Variants in FBXL13 observed in about 807,000 individuals in gnomAD.
FBXL13 encodes F-box and leucine rich repeat protein 13, also known as F-box and leucine-rich repeat protein 13.
In FBXL13, 67 loss-of-function variants were observed where a neutral mutation model predicts 83.6. That is an observed-to-expected ratio of 0.80 (90% CI 0.66 to 0.98). FBXL13 has a LOEUF of 0.98. Ranked by LOEUF, FBXL13 falls within the 50% of genes least tolerant of loss-of-function variation. The pLI is 0.00. For missense variants in FBXL13, 822 were observed against 866.5 expected (o/e 0.95, Z 0.64); for synonymous variants, 272 against 299.5 (o/e 0.91, Z 0.95).
intron 16 of FBXL13, among the ~76,000 whole-genome samples, chr7:102,874,065 G>C (rs1341446567): frequency 6.6e-6 from 1 of 152,204 alleles, no homozygotes; most frequent in Non-Finnish European, 1.5e-5. Context: ...TAAATGTGTA[G>C]TGTGATTCTA....
At chr7:102,884,135 A>AT (rs1810474054) in intron 12 of FBXL13, 79 bp downstream of exon 13, 1 of 1,031,624 alleles carries the variant, frequency 9.7e-7, no homozygotes, top group Non-Finnish European at 1.5e-6. Flanking sequence ...GTCCATTCAT[A>AT]TTTTTCAGTA....
At chr7:102,877,877 T>C (rs1009544742) in intron 15 of FBXL13, among the ~76,000 whole-genome samples, 4 of 152,164 alleles carry the variant, frequency 2.6e-5, no homozygotes, top group Non-Finnish European at 5.9e-5. Flanking sequence ...GTAAGTACCA[T>C]AGTGAATGAC....
intron 11 of FBXL13, among the ~76,000 whole-genome samples, chr7:102,908,766 T>A (rs1490886249): frequency 6.6e-6 from 1 of 152,216 alleles, no homozygotes; most frequent in Non-Finnish European, 1.5e-5. Context: ...GTCTCTCTGT[T>A]CTGAACCACC....
downstream of FBXL13, among the ~76,000 whole-genome samples, chr7:102,812,487 A>G (rs1201417000): frequency 6.6e-6 from 1 of 152,218 alleles, no homozygotes; most frequent in African/African-American, 2.4e-5. Context: ...AAATGTTGAG[A>G]TAAGTACAGA....
intron 6 of FBXL13, chr7:102,973,791 G>T (rs754910169): frequency 4.0e-6 from 3 of 749,202 alleles, no homozygotes; most frequent in South Asian, 1.4e-5. Context: ...CCGGGAGCCC[G>T]GTTAACAAGG....
At chr7:102,934,141 G>C (rs367824936) in intron 8 of FBXL13, 51 of 1,614,036 alleles carry the variant, frequency 3.2e-5, no homozygotes, top group Middle Eastern at 3.3e-4. Flanking sequence ...TTTATGTGCT[G>C]CCTGGTTGGC....
At chr7:103,053,765 T>C (rs1797066202) in intron 2 of FBXL13, among the ~76,000 whole-genome samples, 1 of 152,170 alleles carries the variant, frequency 6.6e-6, no homozygotes, top group African/African-American at 2.4e-5. Context: ...TTTGCAGATA[T>C]CTGCACTCCA....
chr7:102,973,298 A>G (rs943099510), intron 6 of FBXL13: 4 of 515,326 alleles, frequency 7.8e-6, no homozygotes, highest in African/African-American at 5.8e-5. Context: ...GGCCACTTGT[A>G]CCAGCAGCGT....
intron 16 of FBXL13, among the ~76,000 whole-genome samples, chr7:102,868,806 C>T (rs1194078052): frequency 1.3e-5 from 2 of 152,118 alleles, no homozygotes; most frequent in Non-Finnish European, 2.9e-5. Flanking sequence ...TAGCTGGGAT[C>T]ACAGGTGTGC....
intron 6 of FBXL13, among the ~76,000 whole-genome samples, chr7:102,999,205 G>A (rs2177550): frequency 0.97 from 148,025 of 152,258 alleles, 72,111 homozygotes; most frequent in East Asian, 1. Flanking sequence ...TGATTTTGTT[G>A]ATGAGATGTA....
downstream of FBXL13, among the ~76,000 whole-genome samples, chr7:102,812,896 G>T (rs1797520695): frequency 7.2e-6 from 1 of 139,834 alleles, no homozygotes; most frequent in Non-Finnish European, 1.5e-5. Context: ...AGGCTGGAAT[G>T]CAGTGACGTG....
chr7:102,898,572 T>C (rs1381983330), intron 11 of FBXL13, among the ~76,000 whole-genome samples: 1 of 152,152 alleles, frequency 6.6e-6, no homozygotes, highest in Non-Finnish European at 1.5e-5. Context: ...ATTACAAGCA[T>C]GAGCCACCGT....
intron 8 of FBXL13, among the ~76,000 whole-genome samples, chr7:102,959,717 T>A (rs56938507): frequency 0.036 from 5,462 of 152,086 alleles, 309 homozygotes; most frequent in African/African-American, 0.13. Context: ...TCAAAGGATA[T>A]ATAGGTTAAA....
chr7:102,816,497 TG>T (rs1798018622), intron 19 of FBXL13, among the ~76,000 whole-genome samples: 1 of 152,184 alleles, frequency 6.6e-6, no homozygotes, highest in African/African-American at 2.4e-5. Context: ...TCACACGGAC[TG>T]ACTAACCTAA....
At chr7:102,815,621 A>C (rs1313025199) in intron 19 of FBXL13, among the ~76,000 whole-genome samples, 1 of 151,320 alleles carries the variant, frequency 6.6e-6, no homozygotes, top group Non-Finnish European at 1.5e-5. Flanking sequence ...GCACAGTTAG[A>C]GGCAACAATG....
intron 16 of FBXL13, among the ~76,000 whole-genome samples, chr7:102,874,699 TG>T (rs1808983669): frequency 6.6e-6 from 1 of 152,162 alleles, no homozygotes; most frequent in Non-Finnish European, 1.5e-5. Context: ...CCTGAGTAGC[TG>T]GGTCTATAGG....
At chr7:103,048,000 A>G (rs898758640) in intron 2 of FBXL13, among the ~76,000 whole-genome samples, 4 of 152,184 alleles carry the variant, frequency 2.6e-5, no homozygotes, top group South Asian at 4.1e-4. Context: ...CTGGCCCCAT[A>G]CAATTTTAGA....
chr7:103,074,407 T>A (rs1563306004), exon 1 of FBXL13: 2 of 1,079,512 alleles, frequency 1.9e-6, no homozygotes, highest in Non-Finnish European at 2.3e-6. Context: ...AACCTTAAAA[T>A]CTGAGTTTGG....
At chr7:102,899,291 T>C (rs1812674172) in intron 11 of FBXL13, among the ~76,000 whole-genome samples, 1 of 152,240 alleles carries the variant, frequency 6.6e-6, no homozygotes, top group South Asian at 2.1e-4. Flanking sequence ...TTTCTTTCAA[T>C]TGCAATGATG....
Sources: gnomAD v4.1 joint callset for allele counts (sites outside exome capture counted in the v4.1 genomes callset) on GRCh38, gnomAD v4.1.1 for gene constraint, MANE v1.5 for transcripts, NCBI Gene and HGNC (gene_info 2026-07-23, HGNC 2026-07-21) for gene names.